The following GALNT6 variants were observed in gnomAD, a reference collection of about 807,000 sequenced individuals.
GALNT6 encodes polypeptide N-acetylgalactosaminyltransferase 6, also known as GalNAc transferase 6.
GALNT6 carries 51 observed loss-of-function variants against 65.9 expected under a neutral mutation model. The observed-to-expected ratio is 0.77, with a 90% CI of 0.62 to 0.98. The LOEUF is 0.98. Among genes scored for constraint, GALNT6 ranks in the 50% least tolerant of loss-of-function variants. GALNT6 has a pLI of 0.00. For missense variants in GALNT6, 708 were observed against 803.3 expected (o/e 0.88, Z 1.43); for synonymous variants, 323 against 315.1 (o/e 1.02, Z -0.26).
chr12:51,364,276 G>A lies in GALNT6; in HGVS notation c.894C>T (p.Ile298=), dbSNP rs1021259236. The A allele has an allele frequency of 5.6e-6, 9 of 1,614,054 alleles. No individual in the cohort carries two copies. Among genetic ancestry groups the A allele is most frequent in the East Asian group, 2.2e-5 (1 of 44,898 alleles). Residue 298 remains isoleucine (I), a synonymous_variant, in exon 6 of 12, where the codon ATC becomes ATT. Transcript: ENST00000356317. The part of the protein sequence containing the change: ...EDKTVVVSPD[I]VTIDLNTFEF... ...CAAAAGTATTAAGGTCGATGGTGAC[G>A]ATGTCTGGGCTCACCACCACTGTCT...
At chr12:51,378,940 A>G (rs1358049146) in intron 3 of GALNT6, among the ~76,000 whole-genome samples, 2 of 147,604 alleles carry the variant, frequency 1.4e-5, no homozygotes, top group African/African-American at 2.5e-5. Flanking sequence ...AGGCCTCAGT[A>G]GAGGAGAAAG....
At position 51,364,342 on chromosome 12, in the gene GALNT6, G is replaced by A. The variant is rs771640483; in HGVS notation, c.828C>T (p.His276=). The A allele has an allele frequency of 1.9e-6, 3 of 1,613,624 alleles. No individual in the cohort carries two copies. The highest frequency in any genetic ancestry group is 1.6e-4 in the Middle Eastern group (1 of 6,084). The part of the protein sequence containing the change: ...TFLDAHCECF[H]GWLEPLLARI... Reference sequence around the variant, plus strand: ...GAGCCAGGAGGGGCTCCAGCCAGCCGTGGAAGCACTCACCTGCAGGCCCCA... The same window carrying A: ...GAGCCAGGAGGGGCTCCAGCCAGCCATGGAAGCACTCACCTGCAGGCCCCA... The change falls in exon 6 of 12, where the codon CAC becomes CAT. Residue 276 remains histidine, a synonymous_variant. Coordinates refer to ENST00000356317, the MANE Select transcript of GALNT6 (RefSeq NM_007210.4).
At chr12:51,380,668 G>A (rs1335965911) in intron 2 of GALNT6, among the ~76,000 whole-genome samples, 3 of 152,228 alleles carry the variant, frequency 2.0e-5, no homozygotes, top group South Asian at 2.1e-4. Context: ...GCGCATGCCT[G>A]TAATCCCAGC....
intron 7 of GALNT6, 170 bp from the exon 8 acceptor site, chr12:51,359,502 AT>A: frequency 1.8e-6 from 1 of 543,424 alleles, no homozygotes; most frequent in Non-Finnish European, 3.3e-6. Context: ...TTCCTAGGCC[AT>A]GACTACACGA....
At chr12:51,375,477 G>A (rs1282077312) in intron 4 of GALNT6, among the ~76,000 whole-genome samples, 1 of 151,944 alleles carries the variant, frequency 6.6e-6, no homozygotes. Context: ...ACTCTTACTT[G>A]ATGCCAGCCA....
intron 2 of GALNT6, among the ~76,000 whole-genome samples, chr12:51,386,113 A>G (rs542083581): frequency 6.6e-6 from 1 of 152,244 alleles, no homozygotes; most frequent in Non-Finnish European, 1.5e-5. Context: ...CTTGACTTAC[A>G]GGATATTCTG....
At chr12:51,363,959 G>A (rs1947006929) in intron 6 of GALNT6, among the ~76,000 whole-genome samples, 162 bp downstream of exon 6, 1 of 152,178 alleles carries the variant, frequency 6.6e-6, no homozygotes. Flanking sequence ...ATGAGCCTTA[G>A]TATTCTTAGT....
intron 2 of GALNT6, among the ~76,000 whole-genome samples, chr12:51,388,419 G>A (rs1178436480): frequency 6.6e-6 from 1 of 152,198 alleles, no homozygotes; most frequent in Non-Finnish European, 1.5e-5. Flanking sequence ...CCAACCAGAT[G>A]CTTGGCACTC....
intron 10 of GALNT6, among the ~76,000 whole-genome samples, chr12:51,356,431 C>T (rs1225241885): frequency 7.2e-6 from 1 of 139,024 alleles, no homozygotes; most frequent in African/African-American, 2.7e-5. Flanking sequence ...ATGATCATAG[C>T]TCACTGCAAC....
chr12:51,388,412 A>G (rs952652445), intron 2 of GALNT6, among the ~76,000 whole-genome samples: 1 of 152,134 alleles, frequency 6.6e-6, no homozygotes, highest in African/African-American at 2.4e-5. Flanking sequence ...CTCAAGCCCA[A>G]CCAGATGCTT....
At chr12:51,376,495 T>A (rs977587219) in intron 4 of GALNT6, among the ~76,000 whole-genome samples, 3 of 151,802 alleles carry the variant, frequency 2.0e-5, no homozygotes, top group Non-Finnish European at 2.9e-5. Flanking sequence ...TAGCTGGGTG[T>A]GGTGGCACAT....
intron 10 of GALNT6, 53 bp downstream of exon 10, chr12:51,357,296 G>A: frequency 8.4e-7 from 1 of 1,186,948 alleles, no homozygotes; most frequent in Non-Finnish European, 1.3e-6. Flanking sequence ...TTAGGGTAGA[G>A]AAAAGGAGCC....
rs1031702382 is a variant in GALNT6 at position 51,360,797 on chromosome 12, G to A, written c.1091C>T (p.Ser364Phe). The A allele has an allele frequency of 3.7e-6, 6 of 1,613,686 alleles. No homozygotes were observed. Among genetic ancestry groups the A allele is most frequent in the Middle Eastern group, 3.3e-4 (2 of 6,062 alleles). The change falls in exon 7 of 12, where the codon TCC (serine) becomes TTC (phenylalanine). Residue 364 changes from serine to phenylalanine, a missense_variant. Ser to Phe is a radical substitution (Grantham distance 155). Coordinates refer to ENST00000356317, the MANE Select transcript of GALNT6 (RefSeq NM_007210.4). Reference protein sequence around the residue: ...FAGGLFSISKSYFEHIGTYDN... With the variant: ...FAGGLFSISKFYFEHIGTYDN... The stretch of plus-strand genomic sequence containing the variant: ...ATAGGTACCGATGTGCTCAAAGTAG[G>A]ACTTGGAGATGGAGAAGAGGCCACC...
At chr12:51,358,661 CT>C (rs1432774943) in intron 8 of GALNT6, among the ~76,000 whole-genome samples, 2 of 152,258 alleles carry the variant, frequency 1.3e-5, no homozygotes, top group Admixed American at 1.3e-4. Flanking sequence ...CATGGAGCGC[CT>C]GGGGCTACTG....
At chr12:51,362,230 C>T (rs913418964) in intron 6 of GALNT6, among the ~76,000 whole-genome samples, 3 of 152,254 alleles carry the variant, frequency 2.0e-5, no homozygotes, top group South Asian at 2.1e-4. Flanking sequence ...TCTCCCAGAC[C>T]GAGAAGTCAC....
intron 2 of GALNT6, among the ~76,000 whole-genome samples, chr12:51,384,349 A>G (rs1947761879): frequency 6.6e-6 from 1 of 152,248 alleles, no homozygotes; most frequent in South Asian, 2.1e-4. Flanking sequence ...CTGTGATATT[A>G]TAAAATAAAT....
intron 11 of GALNT6, among the ~76,000 whole-genome samples, chr12:51,355,354 G>A (rs1240137714): frequency 6.6e-6 from 1 of 152,116 alleles, no homozygotes; most frequent in African/African-American, 2.4e-5. Flanking sequence ...GAAGAACCCT[G>A]CCTGTGGCCA....
At chr12:51,360,055 A>G (rs148958264) in intron 7 of GALNT6, 1 of 152,390 alleles carries the variant, frequency 6.6e-6, no homozygotes, top group Non-Finnish European at 1.5e-5. Context: ...AGGCACCGTG[A>G]GAGGTGACTT....
At chr12:51,358,795 CCAGA>C (rs1946829054) in intron 8 of GALNT6, among the ~76,000 whole-genome samples, 1 of 152,184 alleles carries the variant, frequency 6.6e-6, no homozygotes, top group East Asian at 1.9e-4. Context: ...CTGTGACTCC[CCAGA>C]CAATTATGTC....
Sources: allele counts gnomAD v4.1 joint callset (sites outside exome capture counted in the v4.1 genomes callset), GRCh38; gene constraint gnomAD v4.1.1; transcripts MANE v1.5; gene names NCBI Gene and HGNC (gene_info 2026-07-23, HGNC 2026-07-21).